STK31: variants seen among roughly 807,000 people sequenced by gnomAD.
The protein encoded by STK31 is serine/threonine-protein kinase 31.
In STK31, 89 loss-of-function variants were observed where a neutral mutation model predicts 129.7. That is an observed-to-expected ratio of 0.69 (90% confidence interval 0.58 to 0.82). The LOEUF (loss-of-function observed/expected upper bound fraction) is 0.82. STK31 is among the 40% of genes least tolerant of loss of function. The pLI is 0.00. For missense variants in STK31, 1,187 were observed against 1,176.4 expected, an observed-to-expected ratio of 1.01 and a Z score of -0.13; for synonymous variants, 448 against 395.3, an observed-to-expected ratio of 1.13 and a Z score of -1.58.
chr7:23,819,312 A>ATTTTTTTGC (rs1409489902), intron 23 of STK31, among the ~76,000 whole-genome samples: 1 of 152,240 alleles, frequency 6.6e-6, no homozygotes, highest in Non-Finnish European at 1.5e-5. Context: ...CTATATTCAG[A>ATTTTTTTGC]TACTGTTTTT....
chr7:23,731,378 G>A (rs749931553), intron 6 of STK31, among the ~76,000 whole-genome samples: 3 of 152,010 alleles, frequency 2.0e-5, no homozygotes, highest in Non-Finnish European at 4.4e-5. Flanking sequence ...CCACTTACCC[G>A]GTCCTCTGTG....
intron 15 of STK31, among the ~76,000 whole-genome samples, chr7:23,773,934 C>CCA: frequency 6.6e-6 from 1 of 150,746 alleles, no homozygotes; most frequent in African/African-American, 2.5e-5. Context: ...TCCCTGCCAC[C>CCA]CCCCACCCCA....
At chr7:23,731,176 GC>G (rs1288499857) in intron 6 of STK31, among the ~76,000 whole-genome samples, 1 of 151,780 alleles carries the variant, frequency 6.6e-6, no homozygotes, top group African/African-American at 2.4e-5. Flanking sequence ...GAGCCACCCG[GC>G]TAAACATTTG....
At chr7:23,807,323 A>T (rs1449226094) in intron 22 of STK31, among the ~76,000 whole-genome samples, 1 of 152,090 alleles carries the variant, frequency 6.6e-6, no homozygotes, top group Non-Finnish European at 1.5e-5. Context: ...CTGGGAATAG[A>T]ATTCTGGATT....
At chr7:23,742,277 A>T (rs879813764) in intron 8 of STK31, among the ~76,000 whole-genome samples, 2 of 152,178 alleles carry the variant, frequency 1.3e-5, no homozygotes, top group Non-Finnish European at 2.9e-5. Context: ...ATGGAGTATG[A>T]TCTACTTATG....
intron 22 of STK31, among the ~76,000 whole-genome samples, chr7:23,792,163 AAGTCAT>A (rs1791659972): frequency 1.4e-4 from 21 of 152,196 alleles, no homozygotes; most frequent in Admixed American, 1.4e-3. Flanking sequence ...AAAGAAATAA[AAGTCAT>A]AGAGTTTGAA....
At chr7:23,777,448 A>G (rs990249381) in intron 15 of STK31, among the ~76,000 whole-genome samples, 3 of 152,014 alleles carry the variant, frequency 2.0e-5, no homozygotes, top group African/African-American at 7.2e-5. Context: ...TCCCACTATT[A>G]TTGTGTGGGA....
chr7:23,765,539 C>G (rs1460404323), intron 11 of STK31, among the ~76,000 whole-genome samples: 2 of 147,016 alleles, frequency 1.4e-5, no homozygotes, highest in East Asian at 4.0e-4. Context: ...CTCTCTTTTT[C>G]TAACTTACAC....
At chr7:23,789,104 T>A (rs911498964) in intron 21 of STK31, among the ~76,000 whole-genome samples, 2 of 152,198 alleles carry the variant, frequency 1.3e-5, no homozygotes, top group Non-Finnish European at 2.9e-5. Flanking sequence ...TTTTCAGAGT[T>A]CATCCACGTT....
chr7:23,717,769 A>G (rs1762568264), intron 4 of STK31, among the ~76,000 whole-genome samples, 190 bp downstream of exon 4: 1 of 152,192 alleles, frequency 6.6e-6, no homozygotes. Context: ...TCAGTCTTGA[A>G]ATTTGACGTA....
intron 23 of STK31, among the ~76,000 whole-genome samples, chr7:23,821,909 T>A (rs1335994811): frequency 2.6e-5 from 4 of 152,128 alleles, no homozygotes; most frequent in African/African-American, 9.7e-5. Context: ...TTGAAGTGGG[T>A]GTCTTTTCCC....
chr7:23,759,903 C>G (rs1372386222), intron 10 of STK31, among the ~76,000 whole-genome samples: 1 of 152,122 alleles, frequency 6.6e-6, no homozygotes, highest in East Asian at 1.9e-4. Flanking sequence ...GGACATTAGG[C>G]TTGTAAACCA....
chr7:23,767,035 A>G (rs12536120), intron 11 of STK31, among the ~76,000 whole-genome samples: 63,852 of 152,002 alleles, frequency 0.42, 13,747 homozygotes, highest in Admixed American at 0.52. Flanking sequence ...TGTATGTCAA[A>G]GATTATTTCT....
chr7:23,757,177 A>G (rs922642815), intron 10 of STK31, among the ~76,000 whole-genome samples: 4 of 151,722 alleles, frequency 2.6e-5, no homozygotes, highest in Non-Finnish European at 4.4e-5. Context: ...AGTTTTTGTT[A>G]TTGGTCTATT....
chr7:23,802,592 C>T (rs1562616426), intron 22 of STK31, among the ~76,000 whole-genome samples: 1 of 152,194 alleles, frequency 6.6e-6, no homozygotes, highest in Non-Finnish European at 1.5e-5. Flanking sequence ...TGGCTCACTG[C>T]AACCTCTGCC....
Position 23,788,199 on chromosome 7 carries a change from TATATATA to T in STK31, c.2637+76_2637+82del. On this transcript the variant is annotated intron_variant, in intron 21 of 23. Coordinates refer to ENST00000355870, the MANE Select transcript of STK31 (RefSeq NM_031414.5). ...TATTATTAAGCAGTAGTTCAGCACT[TATATATA>T]ATATAATACTTTATTATAGGATCTT... The T allele has an allele frequency of 2.3e-6, 3 of 1,290,738 alleles. No individual in the cohort carries two copies. In the South Asian group the frequency reaches 5.5e-5, roughly 24 times the overall value. 80.0% of individuals were successfully genotyped at this position (1,290,738 alleles called of 1,614,324 possible).
intron 11 of STK31, among the ~76,000 whole-genome samples, chr7:23,767,518 CCT>C (rs1189414287): frequency 6.6e-6 from 1 of 152,180 alleles, no homozygotes; most frequent in African/African-American, 2.4e-5. Flanking sequence ...CTTCAGCAAA[CCT>C]CTATTCCCTC....
chr7:23,798,006 T>C (rs1018202128), intron 22 of STK31, among the ~76,000 whole-genome samples: 3 of 152,116 alleles, frequency 2.0e-5, no homozygotes, highest in East Asian at 3.9e-4. Flanking sequence ...CTAGAAGAAA[T>C]GGAAAAATTC....
intron 22 of STK31, among the ~76,000 whole-genome samples, chr7:23,803,422 A>G (rs1792502125): frequency 6.6e-6 from 1 of 152,238 alleles, no homozygotes; most frequent in African/African-American, 2.4e-5. Flanking sequence ...CTAGAATACT[A>G]ACTAGATATT....
Sources: allele counts gnomAD v4.1 joint callset (sites outside exome capture counted in the v4.1 genomes callset), GRCh38; gene constraint gnomAD v4.1.1; transcripts MANE v1.5; gene names NCBI Gene and HGNC (gene_info 2026-07-23, HGNC 2026-07-21).